Variants in NAALADL2 observed in about 807,000 individuals in gnomAD.
The protein encoded by NAALADL2 is N-acetylated alpha-linked acidic dipeptidase like 2, also known as inactive N-acetylated-alpha-linked acidic dipeptidase-like protein 2.
In NAALADL2, 76 loss-of-function variants were observed where a neutral mutation model predicts 87.2. The observed-to-expected ratio is 0.87, with a 90% CI of 0.72 to 1.05. NAALADL2 has a LOEUF of 1.05. Among genes scored for constraint, NAALADL2 ranks in the 50% least tolerant of loss-of-function variants. The probability of loss-of-function intolerance (pLI) is 0.00; values close to 1 mark genes in which losing one functional copy is unlikely to be tolerated. For synonymous variants in NAALADL2, 354 were observed against 331.0 expected, an observed-to-expected ratio of 1.07 and a Z score of -0.75; for missense variants, 1,089 against 945.8, an observed-to-expected ratio of 1.15 and a Z score of -1.99.
chr3:175,657,992 G>A (rs894038435), intron 11 of NAALADL2, among the ~76,000 whole-genome samples: 1 of 150,994 alleles, frequency 6.6e-6, no homozygotes, highest in African/African-American at 2.4e-5. Flanking sequence ...AAAAGAATAT[G>A]TATATATATA....
intron 10 of NAALADL2, among the ~76,000 whole-genome samples, chr3:175,601,067 C>A (rs1482600740): frequency 6.6e-6 from 1 of 151,956 alleles, no homozygotes; most frequent in Non-Finnish European, 1.5e-5. Flanking sequence ...TGGTTTTTTT[C>A]CGCTTAGAAA....
intron 3 of NAALADL2, among the ~76,000 whole-genome samples, chr3:174,738,809 C>A (rs879693484): frequency 7.9e-5 from 12 of 151,996 alleles, no homozygotes; most frequent in Non-Finnish European, 1.6e-4. Context: ...AAAATTAAAC[C>A]ATTTTTGGTT....
intron 1 of NAALADL2, among the ~76,000 whole-genome samples, chr3:175,026,273 A>G (rs1752212772): frequency 1.3e-5 from 2 of 152,044 alleles, no homozygotes; most frequent in Non-Finnish European, 2.9e-5. Context: ...AATCTCATGC[A>G]CTTTGGAGAC....
chr3:174,493,001 T>C (rs1322487947), intron 1 of NAALADL2, among the ~76,000 whole-genome samples: 1 of 152,224 alleles, frequency 6.6e-6, no homozygotes, highest in East Asian at 1.9e-4. Context: ...GTTAGAGACT[T>C]TAAGGATTTT....
At chr3:175,638,350 T>C (rs1728828254) in intron 11 of NAALADL2, among the ~76,000 whole-genome samples, 1 of 152,196 alleles carries the variant, frequency 6.6e-6, no homozygotes, top group Admixed American at 6.5e-5. Flanking sequence ...TTCTATCTTC[T>C]TCAAAGATAG....
chr3:174,838,040 A>C (rs1277790267), intron 3 of NAALADL2, among the ~76,000 whole-genome samples: 3 of 150,828 alleles, frequency 2.0e-5, no homozygotes, highest in African/African-American at 7.3e-5. Flanking sequence ...AAAAAAAGAA[A>C]AAAAAAAAAC....
intron 1 of NAALADL2, among the ~76,000 whole-genome samples, chr3:175,026,871 T>G (rs937838101): frequency 1.3e-5 from 2 of 152,104 alleles, no homozygotes; most frequent in Non-Finnish European, 2.9e-5. Flanking sequence ...GAGATTCACA[T>G]GAGTTATTTT....
intron 4 of NAALADL2, among the ~76,000 whole-genome samples, chr3:175,259,762 G>A (rs1459665566): frequency 6.6e-6 from 1 of 152,114 alleles, no homozygotes; most frequent in Non-Finnish European, 1.5e-5. Context: ...TTTCTAACCT[G>A]GCCGGTCATG....
At chr3:175,265,443 A>G (rs1751765253) in intron 4 of NAALADL2, among the ~76,000 whole-genome samples, 1 of 151,616 alleles carries the variant, frequency 6.6e-6, no homozygotes, top group Non-Finnish European at 1.5e-5. Flanking sequence ...TTGAGGTCTA[A>G]TTATTAGTCA....
rs184747058 is a variant in NAALADL2, at chr3:175,326,671, C to A, written c.1090+2346C>A. Among the ~76,000 whole-genome samples the A allele has an allele frequency of 4.9e-3, 745 of 152,260 alleles. 2 individuals carry two copies. Among genetic ancestry groups the A allele is most frequent in the Non-Finnish European group, 7.2e-3 (493 of 68,010 alleles). On this transcript the variant is annotated intron_variant, in intron 5 of 13. Transcript: ENST00000454872. ...CCAAGGTCAAGGGGCTCACATCTGG[C>A]AAGGGCTTTAATCATTTCATCCAGT...
chr3:174,678,741 T>C (rs1727264380), intron 2 of NAALADL2, among the ~76,000 whole-genome samples: 1 of 152,184 alleles, frequency 6.6e-6, no homozygotes, highest in South Asian at 2.1e-4. Context: ...AGAATTGTTA[T>C]ATTCCATTGG....
At position 174,501,873 on chromosome 3, in the gene NAALADL2, C is replaced by G. The variant is rs757663461; in HGVS notation, c.-183-48696C>G. On this transcript the variant is annotated intron_variant, in intron 1 of 3. Transcript: ENST00000434257. ...CAATTTTTGATATCATTGAATTTTCCACTGTTCTCTATTTTTTGTTTCATT... is the reference window on the plus strand; with the variant it reads ...CAATTTTTGATATCATTGAATTTTCGACTGTTCTCTATTTTTTGTTTCATT... 1.0e-3 allele frequency among the ~76,000 whole-genome samples: 152 copies of G among 151,722 alleles called. 1 individual carries two copies. Among genetic ancestry groups the G allele is most frequent in the Non-Finnish European group, 1.4e-3 (93 of 67,900 alleles).
chr3:175,680,485 G>C (rs1228226126), intron 11 of NAALADL2, among the ~76,000 whole-genome samples: 1 of 152,134 alleles, frequency 6.6e-6, no homozygotes, highest in East Asian at 1.9e-4. Context: ...TGTTAAAGGA[G>C]AACAAATTGT....
chr3:175,129,680 G>A (rs771291020), intron 2 of NAALADL2, among the ~76,000 whole-genome samples: 172 of 152,078 alleles, frequency 1.1e-3, no homozygotes, highest in Non-Finnish European at 2.1e-3. Context: ...CTATACACAT[G>A]TATATGTATA....
chr3:174,870,861 C>CT (rs932448136), intron 1 of NAALADL2, among the ~76,000 whole-genome samples: 5 of 152,030 alleles, frequency 3.3e-5, no homozygotes, highest in African/African-American at 1.2e-4. Context: ...GATGTATCTG[C>CT]TTTTCTATAG....
intron 3 of NAALADL2, among the ~76,000 whole-genome samples, chr3:174,784,736 C>G (rs1005534033): frequency 3.3e-5 from 5 of 152,086 alleles, no homozygotes; most frequent in African/African-American, 1.2e-4. Context: ...ATTCTTTATG[C>G]CCAAGCAGAG....
intron 2 of NAALADL2, among the ~76,000 whole-genome samples, chr3:174,611,195 T>G (rs1719829850): frequency 6.7e-6 from 1 of 149,278 alleles, no homozygotes; most frequent in African/African-American, 2.5e-5. Context: ...GGGATAGCAT[T>G]AGGAGATACA....
intron 4 of NAALADL2, among the ~76,000 whole-genome samples, chr3:175,300,935 T>C (rs1296300328): frequency 6.6e-6 from 1 of 151,846 alleles, no homozygotes; most frequent in East Asian, 1.9e-4. Context: ...AGAGATGGAG[T>C]TTCTCCATGT....
intron 1 of NAALADL2, among the ~76,000 whole-genome samples, chr3:174,938,271 GTGTTAC>G (rs1440668595): frequency 6.6e-6 from 1 of 151,988 alleles, no homozygotes; most frequent in Admixed American, 6.6e-5. Context: ...GTGAAAACAT[GTGTTAC>G]TTGGTTTTCT....
Sources: allele counts gnomAD v4.1 joint callset (sites outside exome capture counted in the v4.1 genomes callset), GRCh38; gene constraint gnomAD v4.1.1; transcripts MANE v1.5; gene names NCBI Gene and HGNC (gene_info 2026-07-23, HGNC 2026-07-21).